Variants in R3HDM1 observed in about 807,000 individuals in gnomAD.
R3HDM1 encodes R3H domain containing 1.
In R3HDM1, 46 loss-of-function variants were observed where a neutral mutation model predicts 141.1. The ratio of observed to expected loss-of-function variants is 0.33; its 90% CI spans 0.26 to 0.42. The LOEUF (loss-of-function observed/expected upper bound fraction) is 0.42. R3HDM1 is among the 10% of genes least tolerant of loss of function. R3HDM1 has a pLI of 1.00. For missense variants in R3HDM1, 1,184 were observed against 1,368.3 expected, an observed-to-expected ratio of 0.87 and a Z score of 2.12; for synonymous variants, 435 against 472.9, an observed-to-expected ratio of 0.92 and a Z score of 1.04.
At position 135,559,088 on chromosome 2, in the gene R3HDM1, T is replaced by C. The variant is rs577768910; in HGVS notation, c.-250+27455T>C. 2.9e-3 allele frequency: 2,714 copies of C among 925,260 alleles called. 54 individuals carry two copies. In the African/African-American group the frequency reaches 0.042, roughly 14 times the overall value. 57.3% of individuals were successfully genotyped at this position (925,260 alleles called of 1,614,324 possible). On this transcript the variant is annotated intron_variant, in intron 1 of 26. Transcript: ENST00000683871. The stretch of plus-strand genomic sequence containing the variant: ...GTGTGTGTGTGTGTGTGTGTGTGTG[T>C]GTGTGCATGCGTGTGTGTGTGTGGT...
intron 21 of R3HDM1, among the ~76,000 whole-genome samples, chr2:135,696,311 C>T (rs1268315494): frequency 6.6e-6 from 1 of 152,072 alleles, no homozygotes; most frequent in African/African-American, 2.4e-5. Flanking sequence ...TCAGTGGTTG[C>T]CTGGAGCCAG....
chr2:135,655,716 G>A (rs530767792), intron 18 of R3HDM1, among the ~76,000 whole-genome samples: 8 of 151,800 alleles, frequency 5.3e-5, no homozygotes, highest in Admixed American at 1.3e-4. Flanking sequence ...CGGTAGTCTC[G>A]ATCTCCTGAC....
chr2:135,650,023 C>A lies in R3HDM1; in HGVS notation c.1725+20C>A. On this transcript the variant is annotated intron_variant, in intron 17 of 26. Transcript: ENST00000683871. ...TCTGTGGTACTATATCTCTATTCAC[C>A]TCCTGCGTTGTTTCTGTGGGTGGAT... The A allele has an allele frequency of 8.2e-7, 1 of 1,219,856 alleles. No individual in the cohort carries two copies. Among genetic ancestry groups the A allele is most frequent in the Admixed American group, 3.0e-5 (1 of 33,224 alleles). 75.6% of individuals were successfully genotyped at this position (1,219,856 alleles called of 1,614,324 possible).
intron 21 of R3HDM1, among the ~76,000 whole-genome samples, chr2:135,697,901 A>T (rs1351908847): frequency 6.6e-6 from 1 of 151,782 alleles, no homozygotes; most frequent in Non-Finnish European, 1.5e-5. Flanking sequence ...CAAAAACAAA[A>T]AATTAACCAG....
At chr2:135,577,167 A>G (rs1306746120) in intron 1 of R3HDM1, 10 of 983,476 alleles carry the variant, frequency 1.0e-5, no homozygotes, top group Non-Finnish European at 1.2e-5. Context: ...CTTTTGGGCT[A>G]TGACTCAAAA....
At chr2:135,601,938 A>G (rs1401979480) in intron 1 of R3HDM1, among the ~76,000 whole-genome samples, 1 of 147,456 alleles carries the variant, frequency 6.8e-6, no homozygotes, top group Non-Finnish European at 1.5e-5. Context: ...CTGGGATTAT[A>G]GGCACAAGCC....
chr2:135,627,792 T>C (rs2062200038), intron 7 of R3HDM1, among the ~76,000 whole-genome samples: 1 of 152,186 alleles, frequency 6.6e-6, no homozygotes, highest in African/African-American at 2.4e-5. Flanking sequence ...TCTTATCTGT[T>C]GCAGACATTT....
intron 1 of R3HDM1, among the ~76,000 whole-genome samples, chr2:135,553,860 T>C (rs955136739): frequency 1.3e-5 from 2 of 152,166 alleles, no homozygotes; most frequent in Admixed American, 1.3e-4. Context: ...CCGGCTAATT[T>C]TGTATTTTTA....
chr2:135,590,579 T>C (rs776938916), intron 1 of R3HDM1: 1 of 985,430 alleles, frequency 1.0e-6, no homozygotes, highest in Non-Finnish European at 1.2e-6. Context: ...ATTTTTGTGT[T>C]TTGTGCAAAG....
intron 9 of R3HDM1, among the ~76,000 whole-genome samples, chr2:135,635,452 A>G (rs2063163694): frequency 6.6e-6 from 1 of 152,236 alleles, no homozygotes; most frequent in South Asian, 2.1e-4. Context: ...AATAATATTT[A>G]TATCAGTAAC....
At chr2:135,706,938 T>A (rs1190784433) in intron 21 of R3HDM1, among the ~76,000 whole-genome samples, 98 of 151,914 alleles carry the variant, frequency 6.5e-4, no homozygotes, top group Admixed American at 1.7e-3. Flanking sequence ...GGCTCCTCAC[T>A]TCCCAGTAGG....
chr2:135,670,399 G>T lies in R3HDM1; in HGVS notation c.2153-4933G>T, dbSNP rs1377537910. The T allele has an allele frequency of 3.1e-6, 3 of 975,526 alleles. No individual in the cohort carries two copies. In the African/African-American group the frequency reaches 5.3e-5, roughly 17 times the overall value. 60.4% of individuals were successfully genotyped at this position (975,526 alleles called of 1,614,324 possible). On this transcript the variant is annotated intron_variant, in intron 19 of 26. Coordinates refer to ENST00000683871, the MANE Select transcript of R3HDM1 (RefSeq NM_001378107.1). ...CATCCTGAAAGTACAGTAAAGATCAGTTGAGTTGTTTGATGTTAAACTTGA... is the reference window on the plus strand; with the variant it reads ...CATCCTGAAAGTACAGTAAAGATCATTTGAGTTGTTTGATGTTAAACTTGA...
chr2:135,639,844 C>A lies in R3HDM1; in HGVS notation c.1219+722C>A, dbSNP rs545943976. ...GGGCGCAGTGGCTCATGCCTGTAAT[C>A]CCAACACTTTGGGATGCCGAGGCAG... On this transcript the variant is annotated intron_variant, in intron 14 of 26. Transcript: ENST00000683871. 5.9e-5 allele frequency among the ~76,000 whole-genome samples: 9 copies of A among 152,302 alleles called. No homozygotes were observed. The East Asian group carries it at 1.5e-3, about 26-fold the overall frequency.
chr2:135,699,361 G>A (rs114555284), intron 21 of R3HDM1, among the ~76,000 whole-genome samples: 1 of 152,196 alleles, frequency 6.6e-6, no homozygotes, highest in Middle Eastern at 3.2e-3. Context: ...GAAGGGAAAG[G>A]CTTAGTAGAT....
intron 21 of R3HDM1, among the ~76,000 whole-genome samples, chr2:135,703,158 C>T (rs1246677480): frequency 1.3e-5 from 2 of 152,152 alleles, no homozygotes; most frequent in African/African-American, 2.4e-5. Flanking sequence ...ATAATGTAGA[C>T]TCTTTTTTAG....
At chr2:135,634,459 G>A (rs2063059044) in intron 9 of R3HDM1, among the ~76,000 whole-genome samples, 1 of 152,110 alleles carries the variant, frequency 6.6e-6, no homozygotes, top group African/African-American at 2.4e-5. Context: ...TGGCCAATAT[G>A]ATGAAACCCC....
chr2:135,547,476 C>G (rs1230199744), intron 1 of R3HDM1, among the ~76,000 whole-genome samples: 11 of 138,142 alleles, frequency 8.0e-5, no homozygotes, highest in African/African-American at 2.9e-4. Flanking sequence ...TTCTAATTGT[C>G]TTTTTTTTTT....
In R3HDM1 at chr2:135,616,650, A is replaced by G; in HGVS notation, c.214-18A>G. ...AGATTTCTGAAATGTAGTGTTAATT[A>G]TAAATACTTCTCTTTAGTCAAGCTC... is the stretch of plus-strand genomic sequence containing the variant. On this transcript the variant is annotated intron_variant, in intron 4 of 26. Transcript: ENST00000683871. The G allele has an allele frequency of 6.4e-7, 1 of 1,566,822 alleles. No homozygotes were observed.
chr2:135,696,167 G>A (rs557613339), intron 21 of R3HDM1, among the ~76,000 whole-genome samples: 1 of 152,174 alleles, frequency 6.6e-6, no homozygotes, highest in South Asian at 2.1e-4. Context: ...AAGATCTGTT[G>A]ATAACAGCAA....
Sources: allele counts gnomAD v4.1 joint callset (sites outside exome capture counted in the v4.1 genomes callset), GRCh38; gene constraint gnomAD v4.1.1; transcripts MANE v1.5; gene names NCBI Gene and HGNC (gene_info 2026-07-23, HGNC 2026-07-21).